THSD4: variants seen among roughly 807,000 people sequenced by gnomAD.
THSD4 encodes thrombospondin type 1 domain containing 4, also known as thrombospondin type-1 domain-containing protein 4.
Under a neutral mutation model 119.0 loss-of-function variants are expected in THSD4, and 69 were observed. The observed-to-expected ratio is 0.58, with a 90% CI of 0.48 to 0.71. THSD4 has a LOEUF of 0.71. Among genes scored for constraint, THSD4 ranks in the 30% least tolerant of loss-of-function variants. The pLI is 0.00. For missense variants in THSD4, 1,393 were observed against 1,391.1 expected (o/e 1.00, Z -0.02); for synonymous variants, 524 against 540.4 (o/e 0.97, Z 0.42).
At chr15:71,419,654 T>C (rs2046789729) in intron 7 of THSD4, among the ~76,000 whole-genome samples, 1 of 108,502 alleles carries the variant, frequency 9.2e-6, no homozygotes, top group Non-Finnish European at 2.0e-5. Flanking sequence ...GTGTATCCCA[T>C]AGATTTTGGT....
At chr15:71,107,241 AG>A (rs2040277724) in intron 1 of THSD4, among the ~76,000 whole-genome samples, 1 of 152,216 alleles carries the variant, frequency 6.6e-6, no homozygotes, top group African/African-American at 2.4e-5. Flanking sequence ...ACAAGTAAAA[AG>A]TTTGACATGT....
At chr15:71,688,653 T>C (rs953746091) in intron 8 of THSD4, among the ~76,000 whole-genome samples, 1 of 151,522 alleles carries the variant, frequency 6.6e-6, no homozygotes, top group African/African-American at 2.4e-5. Context: ...ATCTTCATTG[T>C]TTTGTTTTGT....
chr15:71,275,176 G>A (rs2044576011), intron 6 of THSD4, among the ~76,000 whole-genome samples: 1 of 152,124 alleles, frequency 6.6e-6, no homozygotes, highest in Non-Finnish European at 1.5e-5. Context: ...GAGTCACCGA[G>A]AAGTTACATA....
chr15:71,214,457 C>G (rs1388793239), intron 3 of THSD4, among the ~76,000 whole-genome samples: 1 of 152,232 alleles, frequency 6.6e-6, no homozygotes, highest in Non-Finnish European at 1.5e-5. Context: ...AACGAACCCA[C>G]TGGAAGGAAG....
chr15:71,535,713 A>G (rs1163133058), intron 7 of THSD4, among the ~76,000 whole-genome samples: 1 of 152,132 alleles, frequency 6.6e-6, no homozygotes, highest in Non-Finnish European at 1.5e-5. Flanking sequence ...TTCTGTGCTT[A>G]TTGACCATTT....
At chr15:71,487,446 T>C (rs1248224152) in intron 7 of THSD4, among the ~76,000 whole-genome samples, 2 of 152,210 alleles carry the variant, frequency 1.3e-5, no homozygotes, top group African/African-American at 4.8e-5. Flanking sequence ...CTAAATCCAA[T>C]TGCCTTTTCT....
chr15:71,469,566 G>C (rs2047545293), intron 7 of THSD4, among the ~76,000 whole-genome samples: 1 of 152,192 alleles, frequency 6.6e-6, no homozygotes, highest in South Asian at 2.1e-4. Context: ...TTCCGGCGAA[G>C]TGAGGCACAG....
rs547126757 is a variant in THSD4 at position 71,299,840 on chromosome 15, A to T, written c.1015+43125A>T. ...TTCTTATTTGTCAATTAAAAATAAC[A>T]TTGGGCTGGACGTGATAGCTCACAC... is the stretch of plus-strand genomic sequence containing the variant. On this transcript the variant is annotated intron_variant, in intron 6 of 17. Transcript: ENST00000261862. 2.0e-5 allele frequency among the ~76,000 whole-genome samples: 3 copies of T among 151,884 alleles called. No individual in the cohort carries two copies. In the South Asian group the frequency reaches 6.3e-4, roughly 32 times the overall value.
At chr15:71,232,383 T>G (rs1234618760) in intron 4 of THSD4, among the ~76,000 whole-genome samples, 1 of 152,182 alleles carries the variant, frequency 6.6e-6, no homozygotes, top group Non-Finnish European at 1.5e-5. Context: ...AGGGTGCCTC[T>G]GTGTCAGACT....
At chr15:71,752,520 C>G (rs541096823) in intron 14 of THSD4, among the ~76,000 whole-genome samples, 9 of 152,294 alleles carry the variant, frequency 5.9e-5, no homozygotes, top group African/African-American at 2.2e-4. Flanking sequence ...CAGAATAGAT[C>G]ATGAATTCTA....
chr15:71,164,641 AC>A (rs1567142534), intron 3 of THSD4: 5 of 1,422,372 alleles, frequency 3.5e-6, no homozygotes, highest in Non-Finnish European at 4.7e-6. Context: ...ACAAAAAAAG[AC>A]ACTGTACAGT....
intron 10 of THSD4, among the ~76,000 whole-genome samples, chr15:71,737,094 A>G (rs1010195181): frequency 7.9e-5 from 12 of 152,266 alleles, no homozygotes; most frequent in African/African-American, 2.9e-4. Context: ...TAGTTTAACC[A>G]GTACCACTGG....
chr15:71,429,986 G>C (rs2046920694), intron 7 of THSD4, among the ~76,000 whole-genome samples: 1 of 152,126 alleles, frequency 6.6e-6, no homozygotes, highest in Admixed American at 6.5e-5. Context: ...CTATAAACTA[G>C]TTTCTTTTAG....
intron 2 of THSD4, among the ~76,000 whole-genome samples, chr15:71,143,761 A>G (rs1266178289): frequency 2.2e-5 from 3 of 137,700 alleles, no homozygotes; most frequent in African/African-American, 8.3e-5. Flanking sequence ...GCTGGAGTAC[A>G]GTGGCGCAAT....
intron 7 of THSD4, among the ~76,000 whole-genome samples, chr15:71,532,377 C>G (rs576929792): frequency 6.6e-6 from 1 of 151,490 alleles, no homozygotes; most frequent in Admixed American, 6.6e-5. Context: ...GTGGTGCCAT[C>G]TCAGCTCACT....
At chr15:71,343,588 G>A (rs2045610770) in intron 6 of THSD4, among the ~76,000 whole-genome samples, 1 of 152,022 alleles carries the variant, frequency 6.6e-6, no homozygotes, top group Non-Finnish European at 1.5e-5. Context: ...TCAAGCCTCT[G>A]TCTTTGTCTT....
At chr15:71,301,065 C>G (rs1005702217) in intron 6 of THSD4, among the ~76,000 whole-genome samples, 1 of 152,076 alleles carries the variant, frequency 6.6e-6, no homozygotes, top group South Asian at 2.1e-4. Context: ...TTTCTCTGCC[C>G]TAAGATTATT....
intron 3 of THSD4, among the ~76,000 whole-genome samples, chr15:71,180,141 A>AT (rs2043496674): frequency 4.7e-5 from 2 of 42,426 alleles, no homozygotes; most frequent in South Asian, 2.7e-3. Flanking sequence ...TTAGAGTATA[A>AT]TAAAAAAAAA....
At chr15:71,101,485 A>T (rs2040253317) in intron 1 of THSD4, among the ~76,000 whole-genome samples, 1 of 152,050 alleles carries the variant, frequency 6.6e-6, no homozygotes, top group South Asian at 2.1e-4. Flanking sequence ...AATCTATTAT[A>T]TTTTTCCAGG....
Sources: gnomAD v4.1 joint callset for allele counts (sites outside exome capture counted in the v4.1 genomes callset) on GRCh38, gnomAD v4.1.1 for gene constraint, MANE v1.5 for transcripts, NCBI Gene and HGNC (gene_info 2026-07-23, HGNC 2026-07-21) for gene names.